Variants in VPS35L observed in about 807,000 individuals in gnomAD.
VPS35L encodes the protein VPS35 endosomal protein-sorting factor-like.
Under a neutral mutation model 133.0 loss-of-function variants are expected in VPS35L, and 83 were observed. The observed-to-expected ratio is 0.62, with a 90% CI of 0.52 to 0.75. VPS35L has a LOEUF of 0.75. Among genes scored for constraint, VPS35L ranks in the 30% least tolerant of loss-of-function variants. VPS35L has a pLI of 0.00. For synonymous variants in VPS35L, 423 were observed against 449.9 expected (o/e 0.94, Z 0.76); for missense variants, 1,083 against 1,206.8 (o/e 0.90, Z 1.52).
intron 27 of VPS35L, among the ~76,000 whole-genome samples, chr16:19,670,012 C>T (rs541904388): frequency 1.3e-5 from 2 of 152,180 alleles, no homozygotes; most frequent in South Asian, 2.1e-4. Context: ...GTCACCCAGG[C>T]TGGAGTGCAG....
intron 23 of VPS35L, among the ~76,000 whole-genome samples, chr16:19,646,579 C>T (rs1034470736): frequency 6.6e-6 from 1 of 151,796 alleles, no homozygotes; most frequent in Non-Finnish European, 1.5e-5. Flanking sequence ...GCAGGAGAAT[C>T]GCTTGAACCC....
Position 19,629,827 on chromosome 16 carries a change from G to A in VPS35L, c.1554+7G>A. On this transcript the variant is annotated splice_region_variant and intron_variant, in intron 18 of 30. Transcript: ENST00000417362. The stretch of plus-strand genomic sequence containing the variant: ...CACCTGCAAGCATTTCACGGTATGT[G>A]TGACTGTGGTATTGTTTTTGAAAGA... The A allele has an allele frequency of 2.5e-6, 4 of 1,612,376 alleles. No homozygotes were observed. Among genetic ancestry groups the A allele is most frequent in the Non-Finnish European group, 3.4e-6 (4 of 1,178,472 alleles).
At chr16:19,676,627 C>T (rs1423181412) in intron 27 of VPS35L, among the ~76,000 whole-genome samples, 2 of 152,132 alleles carry the variant, frequency 1.3e-5, no homozygotes, top group Admixed American at 6.6e-5. Flanking sequence ...GTAGCACTAA[C>T]GATCTCGGAT....
intron 3 of VPS35L, among the ~76,000 whole-genome samples, chr16:19,570,247 G>A (rs1192902170): frequency 6.6e-6 from 1 of 152,066 alleles, no homozygotes; most frequent in Non-Finnish European, 1.5e-5. Context: ...TTTTTTGGTA[G>A]AGATGGGCTT....
intron 28 of VPS35L, among the ~76,000 whole-genome samples, chr16:19,689,261 G>A (rs148885459): frequency 0.014 from 2,002 of 143,544 alleles, 43 homozygotes; most frequent in African/African-American, 0.05. Context: ...ACAGGTGTGA[G>A]CCACTGTGCC....
intron 7 of VPS35L, among the ~76,000 whole-genome samples, chr16:19,586,591 C>T (rs762365205): frequency 6.6e-5 from 10 of 151,174 alleles, no homozygotes; most frequent in African/African-American, 1.5e-4. Context: ...CCACCTGCCT[C>T]GGCCTCCCAA....
chr16:19,645,607 C>CTGGGCTCTGCCCTGT (rs1355521179), intron 23 of VPS35L, among the ~76,000 whole-genome samples: 6 of 151,952 alleles, frequency 3.9e-5, no homozygotes, highest in African/African-American at 2.4e-5. Context: ...GTCTTTAGCC[C>CTGGGCTCTGCCCTGT]TGGGCTCTGC....
At chr16:19,581,749 AC>A in intron 7 of VPS35L, 96 bp downstream of exon 7, 6 of 1,386,468 alleles carry the variant, frequency 4.3e-6, no homozygotes, top group Non-Finnish European at 4.9e-6. Flanking sequence ...GCAGGGTCTT[AC>A]TCTTGTTTTC....
chr16:19,606,839 C>T (rs1972551432), intron 9 of VPS35L, among the ~76,000 whole-genome samples: 1 of 152,200 alleles, frequency 6.6e-6, no homozygotes, highest in Non-Finnish European at 1.5e-5. Flanking sequence ...GGCTGGAGTG[C>T]AGTGGCTCAA....
At chr16:19,662,834 G>A (rs563481002) in intron 26 of VPS35L, among the ~76,000 whole-genome samples, 2 of 151,856 alleles carry the variant, frequency 1.3e-5, no homozygotes, top group South Asian at 2.1e-4. Context: ...CACCCTAACC[G>A]AGCTCCTACA....
intron 26 of VPS35L, among the ~76,000 whole-genome samples, chr16:19,654,514 G>A (rs1597398474): frequency 1.3e-5 from 2 of 148,860 alleles, no homozygotes; most frequent in Non-Finnish European, 1.5e-5. Flanking sequence ...AGCCGAGATC[G>A]CACCACTTGA....
chr16:19,574,888 G>A (rs754576697), intron 4 of VPS35L, among the ~76,000 whole-genome samples: 5 of 152,136 alleles, frequency 3.3e-5, no homozygotes, highest in East Asian at 1.9e-4. Context: ...ATGTGACTCC[G>A]CTGTCATATC....
In VPS35L at chr16:19,637,639, T is replaced by C; in HGVS notation, c.1681T>C (p.Ser561Pro). Residue 561 changes from serine to proline, a missense_variant, in exon 20 of 31, where the codon TCA (serine) becomes CCA (proline). Transcript: ENST00000417362. ...AGTTATTGCCCACTTCCATGACTTC[T>C]CAGTTCTTTTCTCAGTGGTAAGTAG... ...KKVIAHFHDF[S>P]VLFSVEKFLP... is the part of the protein sequence containing the mutation. 1 of 1,580,838 alleles carries C rather than the reference T, an allele frequency of 6.3e-7. No homozygotes were observed. The highest frequency in any genetic ancestry group is 1.2e-5 in the South Asian group (1 of 85,544).
intron 28 of VPS35L, 124 bp from the exon 29 acceptor site, chr16:19,691,229 C>A: frequency 1.3e-6 from 1 of 755,716 alleles, no homozygotes; most frequent in South Asian, 1.6e-5. Flanking sequence ...CCGCCACTTC[C>A]ATGTGCCCTG....
Position 19,639,969 on chromosome 16 carries a change from C to G in VPS35L, c.1699-46C>G. 1 of 1,509,794 alleles carries G rather than the reference C, an allele frequency of 6.6e-7. No individual in the cohort carries two copies. The highest frequency in any genetic ancestry group is 1.1e-5 in the South Asian group (1 of 87,816). The allele number at this position is 1,509,794 out of a possible 1,614,324, so 93.5% of individuals were successfully genotyped here. On this transcript the variant is annotated intron_variant, in intron 20 of 30. Coordinates refer to ENST00000417362, the MANE Select transcript of VPS35L (RefSeq NM_020314.7). The surrounding 1 kb of genome is among the most constrained non-coding windows in gnomAD (Gnocchi z 4.1). ...AAGAGACCCACAGATTCCTTCCTTCCAATAACTTGTGTCATTTGCATATAG... is the reference window on the plus strand; with the variant it reads ...AAGAGACCCACAGATTCCTTCCTTCGAATAACTTGTGTCATTTGCATATAG...
At chr16:19,566,613 A>G (rs1481599159) in intron 2 of VPS35L, among the ~76,000 whole-genome samples, 1 of 152,232 alleles carries the variant, frequency 6.6e-6, no homozygotes, top group African/African-American at 2.4e-5. Context: ...AGGCTCCAGC[A>G]CAGTCACGTG....
At chr16:19,578,160 T>C (rs1971592239) in intron 5 of VPS35L, 1 of 419,692 alleles carries the variant, frequency 2.4e-6, no homozygotes, top group Non-Finnish European at 4.6e-6. Context: ...TGCCTGCTCT[T>C]GTGCTACAAC....
intron 18 of VPS35L, among the ~76,000 whole-genome samples, chr16:19,630,878 A>C (rs1212335468): frequency 6.6e-6 from 1 of 152,024 alleles, no homozygotes; most frequent in Non-Finnish European, 1.5e-5. Context: ...GTATGGTGAC[A>C]CCTGCCTGTA....
intron 6 of VPS35L, 26 bp from the exon 7 acceptor site, chr16:19,581,499 C>A (rs956733683): frequency 6.5e-7 from 1 of 1,539,820 alleles, no homozygotes; most frequent in South Asian, 1.2e-5. Context: ...CCTGCTATGC[C>A]TTCACCTTCT....
Sources: gnomAD v4.1 joint callset for allele counts (sites outside exome capture counted in the v4.1 genomes callset) on GRCh38, gnomAD v4.1.1 for gene constraint, Gnocchi (gnomAD v3.1) non-coding constraint, MANE v1.5 for transcripts, NCBI Gene and HGNC (gene_info 2026-07-23, HGNC 2026-07-21) for gene names.